STT3B: variants seen among roughly 807,000 people sequenced by gnomAD.
The protein encoded by STT3B is dolichyl-diphosphooligosaccharide--protein glycosyltransferase subunit STT3B.
In STT3B, 29 loss-of-function variants were observed where a neutral mutation model predicts 96.8. The ratio of observed to expected loss-of-function variants is 0.30; its 90% CI spans 0.22 to 0.41. The LOEUF is 0.41. Ranked by LOEUF, STT3B falls within the 10% of genes least tolerant of loss-of-function variation. STT3B has a pLI of 1.00. For synonymous variants in STT3B, 367 were observed against 360.0 expected (o/e 1.02, Z -0.22); for missense variants, 640 against 1,022.3 (o/e 0.63, Z 5.10).
At chr3:31,557,117 C>T (rs1212134600) in intron 1 of STT3B, among the ~76,000 whole-genome samples, 3 of 152,178 alleles carry the variant, frequency 2.0e-5, no homozygotes, top group Non-Finnish European at 4.4e-5. Context: ...ATCCAATTTT[C>T]CCAGCACCAT....
At chr3:31,578,619 GAAGT>G (rs1379729878) in intron 2 of STT3B, among the ~76,000 whole-genome samples, 1 of 151,592 alleles carries the variant, frequency 6.6e-6, no homozygotes, top group Non-Finnish European at 1.5e-5. Context: ...TATTGAATCT[GAAGT>G]AGAACAGAAT....
intron 3 of STT3B, among the ~76,000 whole-genome samples, chr3:31,585,985 GGTTT>G (rs1264861366): frequency 6.6e-6 from 1 of 152,014 alleles, no homozygotes; most frequent in African/African-American, 2.4e-5. Flanking sequence ...ACAGATTGGT[GGTTT>G]GTGTGATAAG....
chr3:31,567,995 GC>G (rs1559368686), intron 1 of STT3B, among the ~76,000 whole-genome samples: 1 of 140,694 alleles, frequency 7.1e-6, no homozygotes, highest in South Asian at 2.2e-4. Flanking sequence ...CCCACATTTT[GC>G]CCCCCTCTCT....
At chr3:31,608,216 C>T (rs981652443) in intron 5 of STT3B, among the ~76,000 whole-genome samples, 4 of 152,138 alleles carry the variant, frequency 2.6e-5, no homozygotes, top group African/African-American at 4.8e-5. Context: ...CTCCTCCGCC[C>T]CTATTTTTTC....
intron 3 of STT3B, among the ~76,000 whole-genome samples, chr3:31,591,625 T>G (rs563666052): frequency 6.6e-6 from 1 of 152,130 alleles, no homozygotes; most frequent in Non-Finnish European, 1.5e-5. Context: ...ATATAGCAGC[T>G]TTGCTCCAAC....
chr3:31,535,146 C>G (rs1218712120), intron 1 of STT3B, among the ~76,000 whole-genome samples: 1 of 151,938 alleles, frequency 6.6e-6, no homozygotes, highest in African/African-American at 2.4e-5. Flanking sequence ...TTAATAGTAA[C>G]TCTGGGGCTG....
chr3:31,545,715 G>A (rs986755648), intron 1 of STT3B, among the ~76,000 whole-genome samples: 11 of 151,578 alleles, frequency 7.3e-5, no homozygotes, highest in African/African-American at 2.7e-4. Context: ...ACTCTCATAT[G>A]TATATATCTG....
chr3:31,553,786 CTTAA>C (rs1181524982), intron 1 of STT3B, among the ~76,000 whole-genome samples: 50 of 152,216 alleles, frequency 3.3e-4, no homozygotes, highest in African/African-American at 1.1e-3. Flanking sequence ...GGGTTCTCTG[CTTAA>C]TTATATTTTC....
intron 1 of STT3B, among the ~76,000 whole-genome samples, chr3:31,546,185 A>G (rs1295795103): frequency 1.3e-5 from 2 of 152,216 alleles, no homozygotes; most frequent in Admixed American, 1.3e-4. Context: ...TTATGAAAAT[A>G]TACCACTCCA....
At chr3:31,572,950 T>C (rs1698192843) in intron 1 of STT3B, among the ~76,000 whole-genome samples, 1 of 152,234 alleles carries the variant, frequency 6.6e-6, no homozygotes, top group Admixed American at 6.5e-5. Flanking sequence ...TTTGAATAGA[T>C]ATTAAGGAAA....
intron 3 of STT3B, among the ~76,000 whole-genome samples, chr3:31,582,454 G>A (rs1172163954): frequency 6.6e-6 from 1 of 151,390 alleles, no homozygotes; most frequent in East Asian, 1.9e-4. Context: ...GCCACTACGT[G>A]TGGCTAATTT....
intron 1 of STT3B, among the ~76,000 whole-genome samples, chr3:31,545,823 T>G (rs1234185441): frequency 6.6e-6 from 1 of 151,972 alleles, no homozygotes; most frequent in Non-Finnish European, 1.5e-5. Context: ...GGTTTTTTTT[T>G]TTTTTTTTTA....
intron 1 of STT3B, among the ~76,000 whole-genome samples, chr3:31,571,914 T>G (rs974994997): frequency 1.5e-5 from 2 of 130,472 alleles, no homozygotes; most frequent in Admixed American, 9.1e-5. Context: ...TGCTTCCTTT[T>G]TGAGATTATA....
intron 5 of STT3B, among the ~76,000 whole-genome samples, chr3:31,604,289 A>G (rs567595638): frequency 1.3e-5 from 2 of 152,308 alleles, no homozygotes; most frequent in African/African-American, 4.8e-5. Flanking sequence ...TTTTGTGAAT[A>G]AAGAAAAGAT....
intron 5 of STT3B, among the ~76,000 whole-genome samples, chr3:31,611,053 G>A (rs1162124166): frequency 6.6e-6 from 1 of 152,196 alleles, no homozygotes; most frequent in African/African-American, 2.4e-5. Context: ...ATAGAAAATT[G>A]TAATAGATGG....
At position 31,635,875 on chromosome 3, in the gene STT3B, A is replaced by C. The variant is rs913116733; in HGVS notation, c.2401-109A>C. On this transcript the variant is annotated intron_variant, in intron 15 of 15. Transcript: ENST00000295770. ...ATTCAAGGAATCCAGTCACAAGAAG[A>C]GCAGAGAGCTTACTAAGTCATCATA... is the stretch of plus-strand genomic sequence containing the variant. 28 of 692,864 alleles carry C rather than the reference A, an allele frequency of 4.0e-5. No homozygotes were observed. In the African/African-American group the frequency reaches 5.2e-4, roughly 13 times the overall value. 42.9% of individuals were successfully genotyped at this position (692,864 alleles called of 1,614,324 possible). A position where few individuals can be genotyped will look rare whatever the true frequency, so the allele number is the denominator to read the frequency against.
chr3:31,553,332 A>G (rs901523401), intron 1 of STT3B, among the ~76,000 whole-genome samples: 2 of 152,200 alleles, frequency 1.3e-5, no homozygotes, highest in Non-Finnish European at 2.9e-5. Context: ...TTTTATAAGA[A>G]TGAATGTACA....
intron 1 of STT3B, among the ~76,000 whole-genome samples, chr3:31,553,766 A>G (rs933200753): frequency 1.3e-5 from 2 of 152,190 alleles, no homozygotes; most frequent in Non-Finnish European, 2.9e-5. Context: ...GGTATCCTTT[A>G]GTACCCCCTG....
chr3:31,569,962 A>G (rs1698099886), intron 1 of STT3B, among the ~76,000 whole-genome samples: 1 of 152,138 alleles, frequency 6.6e-6, no homozygotes. Context: ...ATCTACGTAT[A>G]TATACCCTTC....
Sources: allele counts gnomAD v4.1 joint callset (sites outside exome capture counted in the v4.1 genomes callset), GRCh38; gene constraint gnomAD v4.1.1; transcripts MANE v1.5; gene names NCBI Gene and HGNC (gene_info 2026-07-23, HGNC 2026-07-21).